PTK2B: variants seen among roughly 807,000 people sequenced by gnomAD.
PTK2B encodes the protein protein-tyrosine kinase 2-beta.
Under a neutral mutation model 142.9 loss-of-function variants are expected in PTK2B, and 71 were observed. The ratio of observed to expected loss-of-function variants is 0.50; its 90% CI spans 0.41 to 0.61. PTK2B has a LOEUF of 0.61. Ranked by LOEUF, PTK2B falls within the 20% of genes least tolerant of loss-of-function variation. The pLI, the probability that PTK2B is intolerant of heterozygous loss-of-function variation, is 0.00. For synonymous variants in PTK2B, 519 were observed against 503.4 expected, an observed-to-expected ratio of 1.03 and a Z score of -0.42; for missense variants, 1,105 against 1,320.4, an observed-to-expected ratio of 0.84 and a Z score of 2.53.
intron 1 of PTK2B, among the ~76,000 whole-genome samples, chr8:27,338,392 G>A (rs1049770369): frequency 6.6e-6 from 1 of 152,016 alleles, no homozygotes; most frequent in Non-Finnish European, 1.5e-5. Flanking sequence ...GGGAATCGAG[G>A]GAAAGGGTGG....
intron 13 of PTK2B, 59 bp from the exon 14 acceptor site, chr8:27,435,684 C>A (rs1810726388): frequency 3.1e-6 from 5 of 1,591,640 alleles, no homozygotes; most frequent in Non-Finnish European, 4.3e-6. Flanking sequence ...ACACCTGATT[C>A]CTGGCGGTGC....
chr8:27,351,004 T>G (rs866539433), intron 1 of PTK2B, among the ~76,000 whole-genome samples: 1 of 5,752 alleles, frequency 1.7e-4, no homozygotes, highest in Non-Finnish European at 3.9e-4. Flanking sequence ...TATATATATA[T>G]ATATATATAT....
At chr8:27,430,675 C>G (rs1810354488) in intron 7 of PTK2B, among the ~76,000 whole-genome samples, 1 of 152,194 alleles carries the variant, frequency 6.6e-6, no homozygotes, top group Non-Finnish European at 1.5e-5. Flanking sequence ...CCCTCGCCCC[C>G]TCAACCTCCT....
chr8:27,351,024 T>A (rs868079887), intron 1 of PTK2B, among the ~76,000 whole-genome samples: 902 of 74,056 alleles, frequency 0.012, 176 homozygotes, highest in African/African-American at 0.029. Context: ...TATATATATA[T>A]ATATATATAT....
rs930204298 is a variant in PTK2B, at chr8:27,439,456, G to C, written c.1834+58G>C. 2.6e-6 allele frequency: 4 copies of C among 1,538,002 alleles called. No individual in the cohort carries two copies. In the African/African-American group the frequency reaches 5.5e-5, roughly 21 times the overall value. ...GTTCAGATTCTCACTTCTGAACCAG[G>C]CTAAGGGGGTGGGTGCAGGGAGCAG... On this transcript the variant is annotated intron_variant, in intron 20 of 30. Transcript: ENST00000346049.
intron 1 of PTK2B, among the ~76,000 whole-genome samples, chr8:27,330,428 A>G (rs962311056): frequency 6.6e-6 from 1 of 152,128 alleles, no homozygotes; most frequent in African/African-American, 2.4e-5. Context: ...GCCTAATCCC[A>G]CTCTCAGTTC....
intron 2 of PTK2B, among the ~76,000 whole-genome samples, chr8:27,408,991 A>G (rs184312798): frequency 7.9e-4 from 120 of 152,298 alleles, no homozygotes; most frequent in Non-Finnish European, 1.3e-3. Flanking sequence ...TGATTCGCCA[A>G]TGGTCTTTGA....
intron 3 of PTK2B, among the ~76,000 whole-genome samples, chr8:27,318,413 G>A (rs1477706870): frequency 1.3e-5 from 2 of 152,176 alleles, no homozygotes; most frequent in South Asian, 2.1e-4. Flanking sequence ...ACTCACAGGT[G>A]GGGGTTAGGG....
intron 3 of PTK2B, among the ~76,000 whole-genome samples, chr8:27,318,018 G>A (rs1803130160): frequency 6.6e-6 from 1 of 152,126 alleles, no homozygotes; most frequent in South Asian, 2.1e-4. Flanking sequence ...TCTAAAGCAT[G>A]CAGAACGTAA....
At chr8:27,446,537 G>C (rs1182209794) in intron 24 of PTK2B, among the ~76,000 whole-genome samples, 1 of 152,092 alleles carries the variant, frequency 6.6e-6, no homozygotes, top group Non-Finnish European at 1.5e-5. Context: ...CTGATTGTCA[G>C]GTCTTGTGTG....
At chr8:27,356,339 G>T (rs1474475154) in intron 1 of PTK2B, among the ~76,000 whole-genome samples, 2 of 152,230 alleles carry the variant, frequency 1.3e-5, no homozygotes, top group African/African-American at 4.8e-5. Context: ...ACATCTATGG[G>T]ATTGTAAGGA....
At chr8:27,409,082 C>T (rs1808897791) in intron 2 of PTK2B, among the ~76,000 whole-genome samples, 1 of 152,168 alleles carries the variant, frequency 6.6e-6, no homozygotes, top group Admixed American at 6.5e-5. Context: ...TCACACTTCC[C>T]CCTTTTTTAA....
Position 27,397,547 on chromosome 8 carries a change from G to C in PTK2B, c.-37-1G>C. On this transcript the variant is annotated splice_acceptor_variant, in intron 1 of 30. Transcript: ENST00000346049. LOFTEE classifies it low-confidence loss of function (5UTR_SPLICE). ...GGGCTGACCCTCTGCTGTCTCTGCAGGACTGCAATGTGCCGATCTTAGCTG... is the reference window on the plus strand; with the variant it reads ...GGGCTGACCCTCTGCTGTCTCTGCACGACTGCAATGTGCCGATCTTAGCTG... 6.2e-7 allele frequency: 1 copy of C among 1,604,422 alleles called. No individual in the cohort carries two copies. Among genetic ancestry groups the C allele is most frequent in the Non-Finnish European group, 8.5e-7 (1 of 1,172,682 alleles).
At chr8:27,441,253 A>C (rs1811142141) in intron 21 of PTK2B, among the ~76,000 whole-genome samples, 1 of 152,232 alleles carries the variant, frequency 6.6e-6, no homozygotes, top group African/African-American at 2.4e-5. Flanking sequence ...TATGAATTTC[A>C]AATAAGTTTC....
At chr8:27,450,717 C>T in intron 24 of PTK2B, 32 bp from the exon 25 acceptor site, 1 of 1,613,190 alleles carries the variant, frequency 6.2e-7, no homozygotes, top group South Asian at 1.1e-5. Context: ...GGGCTCATTG[C>T]ATCCTCTCCC....
At chr8:27,431,561 C>A in intron 9 of PTK2B, 89 bp downstream of exon 9, 4 of 1,513,658 alleles carry the variant, frequency 2.6e-6, no homozygotes, top group Non-Finnish European at 3.6e-6. Context: ...CCCTTCAGTT[C>A]TTCTTGCCCC....
chr8:27,444,667 A>AAGAG (rs1428428831), intron 23 of PTK2B, among the ~76,000 whole-genome samples: 3 of 152,122 alleles, frequency 2.0e-5, no homozygotes, highest in African/African-American at 7.2e-5. Context: ...GTGGCCATTG[A>AAGAG]AGAGACAGCA....
At chr8:27,429,094 A>G (rs13257998) in intron 5 of PTK2B, among the ~76,000 whole-genome samples, 64,927 of 151,916 alleles carry the variant, frequency 0.43, 14,325 homozygotes, top group South Asian at 0.53. Context: ...TTTAGTAGAG[A>G]CAAGGTTTCA....
At chr8:27,359,022 T>C (rs1222691048) in intron 1 of PTK2B, among the ~76,000 whole-genome samples, 1 of 152,186 alleles carries the variant, frequency 6.6e-6, no homozygotes, top group Non-Finnish European at 1.5e-5. Context: ...TATAGTATTA[T>C]CTTCTTTTCA....
Sources: allele counts gnomAD v4.1 joint callset (sites outside exome capture counted in the v4.1 genomes callset), GRCh38; gene constraint gnomAD v4.1.1; transcripts MANE v1.5; gene names NCBI Gene and HGNC (gene_info 2026-07-23, HGNC 2026-07-21).